The following KCNQ5 variants were observed in gnomAD, a reference collection of about 807,000 sequenced individuals.
The protein encoded by KCNQ5 is potassium voltage-gated channel subfamily KQT member 5.
In KCNQ5, 30 loss-of-function variants were observed where a neutral mutation model predicts 98.2. The ratio of observed to expected loss-of-function variants is 0.31; its 90% CI spans 0.23 to 0.41. KCNQ5 has a LOEUF of 0.41. KCNQ5 is among the 10% of genes least tolerant of loss of function. The pLI, the probability that KCNQ5 is intolerant of heterozygous loss-of-function variation, is 1.00. For missense variants in KCNQ5, 835 were observed against 1,182.5 expected (o/e 0.71, Z 4.31); for synonymous variants, 458 against 449.4 (o/e 1.02, Z -0.24).
At chr6:72,667,774 T>A (rs1392785282) in intron 1 of KCNQ5, among the ~76,000 whole-genome samples, 1 of 152,208 alleles carries the variant, frequency 6.6e-6, no homozygotes, top group East Asian at 1.9e-4. Context: ...AAATGATGTA[T>A]CCCTATATGA....
chr6:72,957,325 C>A (rs1287579385), intron 1 of KCNQ5, among the ~76,000 whole-genome samples: 3 of 151,908 alleles, frequency 2.0e-5, no homozygotes, highest in African/African-American at 4.8e-5. Context: ...CGCGCACCAC[C>A]ACACTTGGCT....
chr6:73,190,473 T>A (rs1283146838), intron 11 of KCNQ5, 100 bp from the exon 12 acceptor site: 1 of 580,762 alleles, frequency 1.7e-6, no homozygotes. Context: ...GATGCATGAC[T>A]TTTCCCCCCA....
chr6:72,695,808 C>G lies in KCNQ5; in HGVS notation c.398+73221C>G, dbSNP rs546041718. ...GGGCGAGGTGGCTCATGTATCTAAT[C>G]CCAGCTATTCAGGAAGCTAAGATGG... On this transcript the variant is annotated intron_variant, in intron 1 of 13. Transcript: ENST00000370398. Among the ~76,000 whole-genome samples, 24 of 152,242 alleles carry G rather than the reference C, an allele frequency of 1.6e-4. 1 individual carries two copies. The South Asian group carries it at 3.3e-3, about 21-fold the overall frequency.
intron 6 of KCNQ5, among the ~76,000 whole-genome samples, chr6:73,105,846 T>C (rs1774976812): frequency 6.6e-6 from 1 of 152,196 alleles, no homozygotes; most frequent in African/African-American, 2.4e-5. Context: ...TCATCATCAT[T>C]GATTTTTTTA....
rs1020351938 is a variant in KCNQ5, at chr6:73,092,755, T to C, written c.919-12502T>C. On this transcript the variant is annotated intron_variant, in intron 5 of 13. Transcript: ENST00000370398. ...TTAAACTATCCCTGCATCCCTGGTA[T>C]GAAACCCATTTGATCATGGTGGATT... 4.6e-5 allele frequency among the ~76,000 whole-genome samples: 7 copies of C among 152,328 alleles called. No homozygotes were observed. The East Asian group carries it at 1.3e-3, about 29-fold the overall frequency.
chr6:72,804,904 C>A (rs1163622616), intron 1 of KCNQ5, among the ~76,000 whole-genome samples: 1 of 152,198 alleles, frequency 6.6e-6, no homozygotes, highest in Middle Eastern at 3.4e-3. Context: ...ATTTGCATTT[C>A]TCTAATAACC....
chr6:73,124,147 G>C (rs943586728), intron 8 of KCNQ5, among the ~76,000 whole-genome samples: 1 of 152,214 alleles, frequency 6.6e-6, no homozygotes, highest in Non-Finnish European at 1.5e-5. Flanking sequence ...GTTGTAACTA[G>C]CAACATTCTA....
chr6:72,773,132 T>G (rs1009710251), intron 1 of KCNQ5, among the ~76,000 whole-genome samples: 29 of 152,178 alleles, frequency 1.9e-4, no homozygotes, highest in African/African-American at 6.7e-4. Context: ...AATTACTGGG[T>G]GTATACCCAA....
chr6:72,934,340 T>C, intron 1 of KCNQ5, among the ~76,000 whole-genome samples: 1 of 152,092 alleles, frequency 6.6e-6, no homozygotes, highest in Non-Finnish European at 1.5e-5. Context: ...AGGAAGATAA[T>C]GATGTTGATG....
chr6:73,158,148 G>A, intron 10 of KCNQ5: 1 of 375,930 alleles, frequency 2.7e-6, no homozygotes, highest in South Asian at 2.2e-5. Context: ...CTGGTGCGGG[G>A]GAGGGGGCGG....
chr6:72,668,434 G>T (rs954773920), intron 1 of KCNQ5, among the ~76,000 whole-genome samples: 52 of 152,216 alleles, frequency 3.4e-4, no homozygotes, highest in Non-Finnish European at 5.3e-4. Flanking sequence ...TTGGCACAAA[G>T]AGGACAGAAA....
At chr6:73,008,050 C>T (rs1264949304) in intron 2 of KCNQ5, among the ~76,000 whole-genome samples, 1 of 151,512 alleles carries the variant, frequency 6.6e-6, no homozygotes, top group African/African-American at 2.4e-5. Context: ...AGTGTTATAA[C>T]TTTAGGATGT....
intron 1 of KCNQ5, among the ~76,000 whole-genome samples, chr6:72,900,664 T>C (rs1166326933): frequency 2.0e-5 from 3 of 151,974 alleles, no homozygotes; most frequent in Non-Finnish European, 2.9e-5. Context: ...ACTGGGTAGA[T>C]ACCCAGTAGT....
chr6:72,986,005 T>G (rs1048143986), intron 1 of KCNQ5, among the ~76,000 whole-genome samples: 7 of 151,766 alleles, frequency 4.6e-5, no homozygotes, highest in African/African-American at 1.7e-4. Context: ...CCAAGGCAGG[T>G]GAATCATGAG....
intron 1 of KCNQ5, among the ~76,000 whole-genome samples, chr6:72,899,788 A>G (rs2150192520): frequency 6.6e-6 from 1 of 151,592 alleles, no homozygotes; most frequent in East Asian, 1.9e-4. Context: ...GTAGTCTTTT[A>G]TCCCTCACCC....
chr6:72,669,487 C>T (rs1766991667), intron 1 of KCNQ5, among the ~76,000 whole-genome samples: 1 of 152,160 alleles, frequency 6.6e-6, no homozygotes, highest in South Asian at 2.1e-4. Flanking sequence ...TGCAGGGTGG[C>T]CCCACCTTGT....
intron 11 of KCNQ5, among the ~76,000 whole-genome samples, chr6:73,187,160 T>C (rs1029372556): frequency 4.6e-5 from 7 of 151,588 alleles, no homozygotes; most frequent in Non-Finnish European, 8.8e-5. Flanking sequence ...CCCGGGTTCA[T>C]GCCATTCTCC....
At chr6:73,020,040 C>T (rs1436237347) in intron 2 of KCNQ5, among the ~76,000 whole-genome samples, 3 of 152,024 alleles carry the variant, frequency 2.0e-5, no homozygotes, top group African/African-American at 7.2e-5. Context: ...CAGAACACTT[C>T]TTACACCAGA....
At chr6:72,897,002 A>C (rs530587739) in intron 1 of KCNQ5, among the ~76,000 whole-genome samples, 13 of 152,192 alleles carry the variant, frequency 8.5e-5, no homozygotes, top group African/African-American at 3.1e-4. Flanking sequence ...CTTATCTACC[A>C]TGTTCTCATA....
Sources: gnomAD v4.1 joint callset for allele counts (sites outside exome capture counted in the v4.1 genomes callset) on GRCh38, gnomAD v4.1.1 for gene constraint, MANE v1.5 for transcripts, NCBI Gene and HGNC (gene_info 2026-07-23, HGNC 2026-07-21) for gene names.